Variants in EYS observed in about 807,000 individuals in gnomAD.
The protein encoded by EYS is EGF-like photoreceptor maintenance factor.
A neutral mutation model predicts 282.1 loss-of-function variants in EYS; 250 were observed. The ratio of observed to expected loss-of-function variants is 0.89; its 90% CI spans 0.80 to 0.98. The LOEUF is 0.98. Ranked by LOEUF, EYS falls within the 50% of genes least tolerant of loss-of-function variation. The probability of loss-of-function intolerance (pLI) is 0.00; values close to 1 mark genes in which losing one functional copy is unlikely to be tolerated. For missense variants in EYS, 4,016 were observed against 3,709.0 expected (o/e 1.08, Z -2.15); for synonymous variants, 1,355 against 1,282.9 (o/e 1.06, Z -1.20).
In EYS at chr6:64,829,192, T is replaced by C. The variant is rs138841211; in HGVS notation, c.2993-6370A>G. On this transcript the variant is annotated intron_variant, in intron 19 of 42. Coordinates refer to ENST00000503581, the MANE Select transcript of EYS (RefSeq NM_001142800.2). ...GTGTGAAGTTCTCTGCAATGCATGTTAATGCAGAAGAGGCATTAAATAGCC... is the reference window on the plus strand; with the variant it reads ...GTGTGAAGTTCTCTGCAATGCATGTCAATGCAGAAGAGGCATTAAATAGCC... Among the ~76,000 whole-genome samples, 3 of 152,098 alleles carry C rather than the reference T, an allele frequency of 2.0e-5. No individual in the cohort carries two copies. The East Asian group carries it at 5.8e-4, about 30-fold the overall frequency.
At chr6:64,424,134 A>C in intron 28 of EYS, among the ~76,000 whole-genome samples, 1 of 152,202 alleles carries the variant, frequency 6.6e-6, no homozygotes, top group East Asian at 1.9e-4. Flanking sequence ...AGTTTGACTC[A>C]AAAGTTGAGT....
chr6:64,980,005 G>A (rs1341626160), intron 14 of EYS, among the ~76,000 whole-genome samples: 3 of 151,464 alleles, frequency 2.0e-5, no homozygotes, highest in Non-Finnish European at 4.4e-5. Flanking sequence ...TTTGTTCCAG[G>A]TGATGGTGTA....
intron 1 of EYS, among the ~76,000 whole-genome samples, chr6:65,655,061 C>T (rs1472500147): frequency 2.1e-5 from 3 of 146,202 alleles, no homozygotes; most frequent in Non-Finnish European, 4.5e-5. Flanking sequence ...CTTTTCTATT[C>T]ATAACAGGAA....
At chr6:65,617,439 T>A (rs1442649678) in intron 2 of EYS, among the ~76,000 whole-genome samples, 1 of 152,090 alleles carries the variant, frequency 6.6e-6, no homozygotes, top group African/African-American at 2.4e-5. Flanking sequence ...ATACCTGAAT[T>A]AAAATTACAT....
At chr6:64,422,966 CTTT>C (rs1774285098) in intron 28 of EYS, among the ~76,000 whole-genome samples, 1 of 79,570 alleles carries the variant, frequency 1.3e-5, no homozygotes, top group Non-Finnish European at 2.9e-5. Context: ...ATATAAAATA[CTTT>C]CTTTTTTATT....
chr6:64,124,444 A>G (rs1349957324), intron 31 of EYS, among the ~76,000 whole-genome samples: 1 of 152,222 alleles, frequency 6.6e-6, no homozygotes, highest in African/African-American at 2.4e-5. Context: ...CATCCAGTGT[A>G]ACATATGGAT....
chr6:63,992,455 G>A (rs1170776219), intron 34 of EYS, among the ~76,000 whole-genome samples: 3 of 151,634 alleles, frequency 2.0e-5, no homozygotes, highest in South Asian at 2.1e-4. Context: ...ATGTTAACAT[G>A]TACACAATAT....
intron 12 of EYS, among the ~76,000 whole-genome samples, chr6:65,086,315 C>G (rs1774371897): frequency 6.6e-6 from 1 of 150,710 alleles, no homozygotes; most frequent in South Asian, 2.1e-4. Context: ...GACTCCATCT[C>G]AAAAAAACTA....
chr6:65,317,732 CAG>C (rs1320011864), intron 11 of EYS, among the ~76,000 whole-genome samples: 15 of 152,100 alleles, frequency 9.9e-5, no homozygotes, highest in Admixed American at 9.8e-4. Context: ...TGGATACCGA[CAG>C]AGCTCAATTC....
intron 35 of EYS, among the ~76,000 whole-genome samples, chr6:63,908,036 T>TG (rs1773826275): frequency 1.3e-5 from 1 of 79,284 alleles, no homozygotes; most frequent in African/African-American, 4.2e-5. Context: ...ATATATACGT[T>TG]TGTGTGTGTG....
chr6:65,519,686 CTATA>C lies in EYS; in HGVS notation c.-332-23697_-332-23694del, dbSNP rs1158150622. ...AGAACACTTGCAAAAACTATAATAA[CTATA>C]TATATATATATATATATATTTTTTT... On this transcript the variant is annotated intron_variant, in intron 2 of 42. Transcript: ENST00000503581. 5.6e-3 allele frequency among the ~76,000 whole-genome samples: 222 copies of C among 39,748 alleles called. 10 individuals carry two copies. Among genetic ancestry groups the C allele is most frequent in the African/African-American group, 0.021 (182 of 8,512 alleles). The allele number at this position is 39,748 out of a possible 152,430, so 26.1% of individuals were successfully genotyped here.
chr6:64,660,335 G>A (rs12665047), intron 22 of EYS, among the ~76,000 whole-genome samples: 16,231 of 151,448 alleles, frequency 0.11, 675 homozygotes, highest in East Asian at 0.15. Context: ...ACAAGACAGG[G>A]ATGCCCTCTC....
intron 27 of EYS, among the ~76,000 whole-genome samples, chr6:64,438,247 C>T (rs983452453): frequency 6.6e-5 from 10 of 151,730 alleles, no homozygotes; most frequent in African/African-American, 2.4e-4. Context: ...GCATTCTTAA[C>T]GTTTATTGAG....
chr6:63,832,893 G>A (rs973817879), intron 36 of EYS, among the ~76,000 whole-genome samples: 1 of 152,158 alleles, frequency 6.6e-6, no homozygotes, highest in African/African-American at 2.4e-5. Flanking sequence ...TCATCTCTGG[G>A]ATGCAAGGCT....
intron 12 of EYS, among the ~76,000 whole-genome samples, chr6:65,061,653 TAC>T (rs747091493): frequency 2.0e-5 from 3 of 151,264 alleles, no homozygotes; most frequent in East Asian, 1.9e-4. Context: ...CACACACACA[TAC>T]ACACACACAC....
At chr6:63,764,989 C>A (rs1301083388) in intron 40 of EYS, among the ~76,000 whole-genome samples, 1 of 151,880 alleles carries the variant, frequency 6.6e-6, no homozygotes, top group Non-Finnish European at 1.5e-5. Context: ...ATTTTTCTAA[C>A]CCTTGATGTT....
At chr6:65,146,911 A>T (rs6924505) in intron 12 of EYS, among the ~76,000 whole-genome samples, 56,316 of 151,720 alleles carry the variant, frequency 0.37, 11,497 homozygotes, top group African/African-American at 0.55. Flanking sequence ...TTTTTCTGTG[A>T]TCTACAATGG....
intron 22 of EYS, among the ~76,000 whole-genome samples, chr6:64,783,097 C>T (rs1374060495): frequency 1.3e-5 from 2 of 152,176 alleles, no homozygotes; most frequent in African/African-American, 4.8e-5. Flanking sequence ...ACCGTAGGCA[C>T]TACCCACCTA....
chr6:64,707,577 G>C (rs924836989), intron 22 of EYS, among the ~76,000 whole-genome samples: 3 of 151,034 alleles, frequency 2.0e-5, no homozygotes, highest in Non-Finnish European at 4.4e-5. Flanking sequence ...GCTGAGGCAG[G>C]AGAATGGCGT....
Sources: allele counts gnomAD v4.1 joint callset (sites outside exome capture counted in the v4.1 genomes callset), GRCh38; gene constraint gnomAD v4.1.1; transcripts MANE v1.5; gene names NCBI Gene and HGNC (gene_info 2026-07-23, HGNC 2026-07-21).